The following TRIQK variants were observed in gnomAD, a reference collection of about 807,000 sequenced individuals.
TRIQK encodes the protein triple QxxK/R motif-containing protein.
Under a neutral mutation model 10.8 loss-of-function variants are expected in TRIQK, and 10 were observed. The observed-to-expected ratio is 0.92, with a 90% CI of 0.57 to 1.57. TRIQK has a LOEUF of 1.57. Ranked by LOEUF, TRIQK falls within the 40% of genes most tolerant of loss-of-function variation. The probability of loss-of-function intolerance (pLI) is 0.00; values close to 1 mark genes in which losing one functional copy is unlikely to be tolerated. For synonymous variants in TRIQK, 33 were observed against 33.7 expected (o/e 0.98, Z 0.07); for missense variants, 107 against 97.7 (o/e 1.09, Z -0.40).
chr8:92,897,633 A>T (rs1310613901), intron 3 of TRIQK, among the ~76,000 whole-genome samples: 1 of 152,088 alleles, frequency 6.6e-6, no homozygotes, highest in Non-Finnish European at 1.5e-5. Flanking sequence ...TAAAAAATAG[A>T]TTTCTTTTCT....
At chr8:92,918,126 G>A (rs1427145870) in intron 2 of TRIQK, among the ~76,000 whole-genome samples, 1 of 152,044 alleles carries the variant, frequency 6.6e-6, no homozygotes, top group Non-Finnish European at 1.5e-5. Flanking sequence ...TTCATCTACT[G>A]ATGGATGCTA....
chr8:92,999,455 G>T (rs1305672531), intron 1 of TRIQK, among the ~76,000 whole-genome samples: 1 of 152,048 alleles, frequency 6.6e-6, no homozygotes, highest in Non-Finnish European at 1.5e-5. Context: ...CAGAAATTTG[G>T]TAATTATCAA....
intron 1 of TRIQK, among the ~76,000 whole-genome samples, chr8:92,981,750 T>G (rs1812989331): frequency 6.6e-6 from 1 of 151,930 alleles, no homozygotes; most frequent in Admixed American, 6.6e-5. Context: ...TTCTGTGTCA[T>G]TTTGTTTTGA....
At chr8:92,897,116 C>A (rs1008142569) in intron 3 of TRIQK, among the ~76,000 whole-genome samples, 4 of 152,100 alleles carry the variant, frequency 2.6e-5, no homozygotes, top group Non-Finnish European at 1.5e-5. Flanking sequence ...CATGCCAGGC[C>A]CCAGCATTGT....
chr8:92,964,466 A>ATC (rs1222712435), intron 1 of TRIQK, among the ~76,000 whole-genome samples: 155 of 146,606 alleles, frequency 1.1e-3, no homozygotes, highest in African/African-American at 3.3e-3. Flanking sequence ...ATATATATCT[A>ATC]TATATATATA....
intron 1 of TRIQK, among the ~76,000 whole-genome samples, chr8:92,992,987 T>C (rs186430963): frequency 3.7e-4 from 57 of 152,294 alleles, no homozygotes; most frequent in African/African-American, 1.1e-3. Flanking sequence ...CAATTTCCAC[T>C]CTTCTTTCAT....
intron 2 of TRIQK, among the ~76,000 whole-genome samples, chr8:92,919,957 C>T (rs1217537811): frequency 1.3e-5 from 2 of 151,608 alleles, no homozygotes; most frequent in Non-Finnish European, 3.0e-5. Flanking sequence ...TGATCTTTTG[C>T]ATTTCTGTGG....
intron 1 of TRIQK, among the ~76,000 whole-genome samples, chr8:92,987,729 C>G (rs1813050769): frequency 6.6e-6 from 1 of 151,834 alleles, no homozygotes. Context: ...ATGCAAAGAC[C>G]TTCACGATAC....
chr8:92,992,020 G>C (rs569123293), intron 1 of TRIQK, among the ~76,000 whole-genome samples: 1 of 152,180 alleles, frequency 6.6e-6, no homozygotes, highest in African/African-American at 2.4e-5. Context: ...CAAACAAATG[G>C]AAGAACTGCA....
intron 1 of TRIQK, among the ~76,000 whole-genome samples, chr8:92,981,393 A>C (rs1812985209): frequency 6.6e-6 from 1 of 151,942 alleles, no homozygotes; most frequent in Non-Finnish European, 1.5e-5. Context: ...GTTGTGTTAC[A>C]CAAATAGTTT....
intron 2 of TRIQK, among the ~76,000 whole-genome samples, chr8:92,947,458 C>G (rs1047782225): frequency 2.0e-5 from 3 of 151,752 alleles, no homozygotes; most frequent in Non-Finnish European, 4.4e-5. Context: ...GTGGTGGACT[C>G]CTGTAATCCC....
chr8:93,017,122 AG>A (rs1813391813), intron 1 of TRIQK, among the ~76,000 whole-genome samples: 4 of 29,026 alleles, frequency 1.4e-4, no homozygotes, highest in African/African-American at 5.5e-4. Context: ...AGAGAGAGAG[AG>A]AGAGAGAGAG....
chr8:93,016,641 A>G (rs1389100587), intron 1 of TRIQK, among the ~76,000 whole-genome samples: 1 of 152,240 alleles, frequency 6.6e-6, no homozygotes, highest in Non-Finnish European at 1.5e-5. Flanking sequence ...TGGGAAAGGC[A>G]AGGCATGATG....
At chr8:92,949,830 GAAA>G (rs2130658202) in intron 2 of TRIQK, among the ~76,000 whole-genome samples, 1 of 91,218 alleles carries the variant, frequency 1.1e-5, no homozygotes, top group Admixed American at 1.5e-4. Context: ...AAGAAAGAAA[GAAA>G]GAAAGAAAGG....
chr8:92,936,970 T>C (rs1487498717), intron 2 of TRIQK, among the ~76,000 whole-genome samples: 3 of 151,700 alleles, frequency 2.0e-5, no homozygotes, highest in Non-Finnish European at 4.4e-5. Flanking sequence ...GAGTAATTAA[T>C]AAAATATTTG....
intron 3 of TRIQK, among the ~76,000 whole-genome samples, chr8:92,913,947 C>T (rs546311575): frequency 1.3e-5 from 2 of 152,042 alleles, no homozygotes; most frequent in Non-Finnish European, 2.9e-5. Flanking sequence ...GGGAAGGGAA[C>T]ATCACACAAC....
intron 2 of TRIQK, among the ~76,000 whole-genome samples, chr8:92,949,273 T>C (rs1811708161): frequency 6.6e-6 from 1 of 152,198 alleles, no homozygotes; most frequent in African/African-American, 2.4e-5. Flanking sequence ...AGGTTAATTC[T>C]TCCCTACTTG....
rs534152966 is a variant in TRIQK, at chr8:92,972,412, CTA to C, written c.-180-17850_-180-17849del. Among the ~76,000 whole-genome samples, 477 of 152,056 alleles carry C rather than the reference CTA, an allele frequency of 3.1e-3. 3 individuals are homozygous for C. Among genetic ancestry groups the C allele is most frequent in the African/African-American group, 0.011 (458 of 41,464 alleles). Reference sequence around the variant, plus strand: ...GTTTGTGCTTCTAATGGTTCTTTAGCTATATTCTTTTTGTTATTTTATTTGTG... The same window carrying C: ...GTTTGTGCTTCTAATGGTTCTTTAGCTATTCTTTTTGTTATTTTATTTGTG... On this transcript the variant is annotated intron_variant, in intron 1 of 4. Coordinates refer to the TRIQK transcript ENST00000520686.
chr8:93,015,562 G>A (rs72660415), intron 1 of TRIQK, among the ~76,000 whole-genome samples: 4,794 of 151,418 alleles, frequency 0.032, 117 homozygotes, highest in South Asian at 0.048. Context: ...GGAGAAAGAT[G>A]CAACTTTCTA....
Sources: allele counts gnomAD v4.1 joint callset (sites outside exome capture counted in the v4.1 genomes callset), GRCh38; gene constraint gnomAD v4.1.1; transcripts MANE v1.5; gene names NCBI Gene and HGNC (gene_info 2026-07-23, HGNC 2026-07-21).